MRPS21: variants seen among roughly 807,000 people sequenced by gnomAD.
The protein encoded by MRPS21 is mitochondrial ribosomal protein S21.
MRPS21 carries 8 observed loss-of-function variants against 9.9 expected under a neutral mutation model. The observed-to-expected ratio is 0.81, with a 90% CI of 0.47 to 1.45. The LOEUF (loss-of-function observed/expected upper bound fraction) is 1.45. Among genes scored for constraint, MRPS21 ranks in the 40% most tolerant of loss-of-function variants. The pLI is 0.00. For synonymous variants in MRPS21, 40 were observed against 40.3 expected (o/e 0.99, Z 0.03); for missense variants, 101 against 118.9 (o/e 0.85, Z 0.70).
intron 2 of MRPS21, among the ~76,000 whole-genome samples, chr1:150,307,174 G>A (rs1346025192): frequency 2.0e-5 from 3 of 151,366 alleles, no homozygotes; most frequent in African/African-American, 7.3e-5. Context: ...CTCCTGAGTA[G>A]CTGGGAGGGA....
At chr1:150,303,521 A>G (rs1560065533) in intron 2 of MRPS21, among the ~76,000 whole-genome samples, 1 of 152,182 alleles carries the variant, frequency 6.6e-6, no homozygotes, top group Admixed American at 6.6e-5. Flanking sequence ...ACCCATGGAT[A>G]CTGCAACAGT....
intron 2 of MRPS21, among the ~76,000 whole-genome samples, chr1:150,301,836 T>A (rs116612270): frequency 0.02 from 3,063 of 152,032 alleles, 130 homozygotes; most frequent in African/African-American, 0.071. Context: ...CCTGACCTCA[T>A]GATTGGCCCG....
chr1:150,294,216 C>T, intron 1 of MRPS21, 119 bp from the exon 2 acceptor site: 2 of 639,294 alleles, frequency 3.1e-6, no homozygotes, highest in South Asian at 3.5e-5. Context: ...CCATGTGCTC[C>T]ATCTCGCGCG....
intron 2 of MRPS21, among the ~76,000 whole-genome samples, chr1:150,304,356 T>A (rs1314246536): frequency 1.3e-5 from 2 of 151,330 alleles, no homozygotes; most frequent in Non-Finnish European, 2.9e-5. Flanking sequence ...CCCTGGACCA[T>A]CAGCAGCAAT....
At chr1:150,294,201 G>A (rs1653829341) in intron 1 of MRPS21, 134 bp from the exon 2 acceptor site, 1 of 599,714 alleles carries the variant, frequency 1.7e-6, no homozygotes, top group African/African-American at 1.9e-5. Context: ...TTTCTAGGAT[G>A]ACTTCCATGT....
intron 2 of MRPS21, among the ~76,000 whole-genome samples, chr1:150,297,862 G>A (rs1405056605): frequency 6.6e-6 from 1 of 151,976 alleles, no homozygotes; most frequent in Admixed American, 6.6e-5. Context: ...ACCTTCTGGT[G>A]GCATGTCTGA....
At chr1:150,298,152 C>CT (rs1480045554) in intron 2 of MRPS21, among the ~76,000 whole-genome samples, 3 of 152,166 alleles carry the variant, frequency 2.0e-5, no homozygotes, top group Non-Finnish European at 4.4e-5. Flanking sequence ...AGGCTGGTCT[C>CT]TAACTCCCAA....
In MRPS21 at chr1:150,296,183, C is replaced by T. The variant is rs1007292878; in HGVS notation, c.83+1734C>T. ...CAAGATGGTCTCAATCTCTTGACCT[C>T]GTGATCCACCCGCCTTGGCCTCCCA... On this transcript the variant is annotated intron_variant, in intron 2 of 2. Coordinates refer to ENST00000614145, the MANE Select transcript of MRPS21 (RefSeq NM_031901.6). Among the ~76,000 whole-genome samples the T allele has an allele frequency of 2.6e-5, 4 of 152,086 alleles. No homozygotes were observed. The East Asian group carries it at 5.8e-4, about 22-fold the overall frequency.
Position 150,308,692 on chromosome 1 carries a change from C to G in MRPS21, c.*464C>G, listed in dbSNP as rs587612570. ...ACTAAAAATACAAAAAAAAATTGGC[C>G]GGGCGTGGTGGTGCACGCCTGTAAT... is the stretch of plus-strand genomic sequence containing the variant. On this transcript the variant is annotated 3_prime_UTR_variant, in exon 3 of 3. Transcript: ENST00000614145. 1 of 153,160 alleles carries G rather than the reference C, an allele frequency of 6.5e-6. No individual in the cohort carries two copies. 9.5% of individuals were successfully genotyped at this position (153,160 alleles called of 1,614,324 possible).
chr1:150,294,525 T>C, intron 2 of MRPS21, 76 bp downstream of exon 2: 1 of 1,256,812 alleles, frequency 8.0e-7, no homozygotes, highest in South Asian at 1.2e-5. Context: ...TCCCCTTTCG[T>C]TGATTGTTCT....
Position 150,301,307 on chromosome 1 carries a change from C to T in MRPS21, c.84-6741C>T, listed in dbSNP as rs1234290165. On this transcript the variant is annotated intron_variant, in intron 2 of 2. Coordinates refer to ENST00000614145, the MANE Select transcript of MRPS21 (RefSeq NM_031901.6). ...CCAAGATGGCGCCATTGCACTCCAA[C>T]CTGGGGGACGAGAGCGAGACTTCGT... 1.1e-5 allele frequency: 3 copies of T among 283,998 alleles called. No individual in the cohort carries two copies. The East Asian group carries it at 4.7e-4, about 45-fold the overall frequency. The allele number at this position is 283,998 out of a possible 1,614,324, so 17.6% of individuals were successfully genotyped here.
At chr1:150,301,228 G>C (rs1052183889) in intron 2 of MRPS21, 2 of 173,586 alleles carry the variant, frequency 1.2e-5, no homozygotes, top group African/African-American at 2.4e-5. Context: ...CCAGCTACTC[G>C]GGAGGCTGAG....
chr1:150,308,029 A>G lies in MRPS21; in HGVS notation c.84-19A>G, dbSNP rs200920233. On this transcript the variant is annotated intron_variant, in intron 2 of 2. Transcript: ENST00000614145. ...ATGATGATCCCAAATGTCTAACCTC[A>G]TTGCTTGCCTTTATACAGAATCCTC... is the stretch of plus-strand genomic sequence containing the variant. 6.5e-7 allele frequency: 1 copy of G among 1,549,738 alleles called. No individual in the cohort carries two copies. Among genetic ancestry groups the G allele is most frequent in the African/African-American group, 1.4e-5 (1 of 73,834 alleles).
intron 2 of MRPS21, among the ~76,000 whole-genome samples, chr1:150,300,714 A>G (rs1553857503): frequency 2.0e-5 from 3 of 152,212 alleles, no homozygotes; most frequent in African/African-American, 7.2e-5. Context: ...AGGCAGATGC[A>G]TCAAATTTGT....
At position 150,308,213 on chromosome 1, in the gene MRPS21, G is replaced by A. The variant is rs781812644; in HGVS notation, c.249G>A (p.Pro83=). 6.3e-6 allele frequency: 10 copies of A among 1,596,490 alleles called. No homozygotes were observed. The highest frequency in any genetic ancestry group is 1.7e-5 in the Admixed American group (1 of 59,746). Residue 83 remains proline (P), a synonymous_variant, in exon 3 of 3, where the codon CCG becomes CCA. Coordinates refer to ENST00000614145, the MANE Select transcript of MRPS21 (RefSeq NM_031901.6). ...NFLMRKNRAD[P]WQGC ...TGATGCGAAAGAATCGGGCAGATCC[G>A]TGGCAGGGCTGCTGAGGCCTGTGGG...
intron 2 of MRPS21, chr1:150,303,849 A>G (rs1267106001): frequency 1.1e-5 from 5 of 455,708 alleles, no homozygotes; most frequent in South Asian, 1.5e-5. Flanking sequence ...CCCTTGTGCT[A>G]TGGACATTTA....
intron 2 of MRPS21, among the ~76,000 whole-genome samples, chr1:150,297,168 G>A (rs1553856705): frequency 6.6e-6 from 1 of 152,112 alleles, no homozygotes; most frequent in African/African-American, 2.4e-5. Flanking sequence ...GCACACACCT[G>A]TAGTCCCAGC....
At chr1:150,300,469 A>G (rs1215970345) in intron 2 of MRPS21, among the ~76,000 whole-genome samples, 1 of 152,216 alleles carries the variant, frequency 6.6e-6, no homozygotes, top group Non-Finnish European at 1.5e-5. Flanking sequence ...TAATGAACAT[A>G]AATGTTCCTT....
In MRPS21 at chr1:150,308,431, G is replaced by C; in HGVS notation, c.*203G>C. On this transcript the variant is annotated 3_prime_UTR_variant, in exon 3 of 3. Transcript: ENST00000614145. The stretch of plus-strand genomic sequence containing the variant: ...TTAAGTGAAAGAAGAAACTGAGTCT[G>C]AAAGTACTCTAGGAGTAGAATGGTA... 1 of 499,680 alleles carries C rather than the reference G, an allele frequency of 2.0e-6. No individual in the cohort carries two copies. The highest frequency in any genetic ancestry group is 3.5e-6 in the Non-Finnish European group (1 of 284,520). 31.0% of individuals were successfully genotyped at this position (499,680 alleles called of 1,614,324 possible).
Sources: allele counts gnomAD v4.1 joint callset (sites outside exome capture counted in the v4.1 genomes callset), GRCh38; gene constraint gnomAD v4.1.1; transcripts MANE v1.5; gene names NCBI Gene and HGNC (gene_info 2026-07-23, HGNC 2026-07-21).